Variants in VPS13D observed in about 807,000 individuals in gnomAD.
VPS13D encodes the protein intermembrane lipid transfer protein VPS13D.
VPS13D carries 187 observed loss-of-function variants against 461.9 expected under a neutral mutation model. The observed-to-expected ratio is 0.40, with a 90% CI of 0.36 to 0.46. The LOEUF (loss-of-function observed/expected upper bound fraction) is 0.46. VPS13D is among the 20% of genes least tolerant of loss of function. The probability of loss-of-function intolerance (pLI) is 0.60; values close to 1 mark genes in which losing one functional copy is unlikely to be tolerated. For synonymous variants in VPS13D, 1,951 were observed against 1,986.3 expected, an observed-to-expected ratio of 0.98 and a Z score of 0.47; for missense variants, 4,711 against 5,364.9, an observed-to-expected ratio of 0.88 and a Z score of 3.81.
At chr1:12,317,434 T>C (rs1642919430) in intron 30 of VPS13D, among the ~76,000 whole-genome samples, 1 of 152,110 alleles carries the variant, frequency 6.6e-6, no homozygotes, top group Non-Finnish European at 1.5e-5. Flanking sequence ...TTTCTTGACC[T>C]TAGCACTATC....
At chr1:12,267,155 A>G in intron 14 of VPS13D, 144 bp downstream of exon 14, 1 of 898,394 alleles carries the variant, frequency 1.1e-6, no homozygotes, top group Non-Finnish European at 1.5e-6. Context: ...TGAAATTGTT[A>G]AAGAGCAAAT....
intron 27 of VPS13D, 79 bp downstream of exon 27, chr1:12,308,720 G>A: frequency 7.4e-7 from 1 of 1,358,856 alleles, no homozygotes; most frequent in Non-Finnish European, 1.0e-6. Flanking sequence ...CGCAATCTTG[G>A]CTCACTGCAA....
intron 47 of VPS13D, among the ~76,000 whole-genome samples, chr1:12,355,308 G>A (rs1159248953): frequency 1.3e-5 from 2 of 152,194 alleles, no homozygotes; most frequent in African/African-American, 4.8e-5. Flanking sequence ...TGCTTTAACA[G>A]GGTGAATGAA....
chr1:12,471,873 C>T (rs1214828926), intron 67 of VPS13D, among the ~76,000 whole-genome samples: 2 of 151,854 alleles, frequency 1.3e-5, no homozygotes, highest in Non-Finnish European at 2.9e-5. Flanking sequence ...TATTTAGTTT[C>T]CACATTTTTT....
intron 13 of VPS13D, 128 bp from the exon 14 acceptor site, chr1:12,266,753 G>T: frequency 3.2e-6 from 3 of 933,292 alleles, no homozygotes; most frequent in African/African-American, 1.7e-5. Flanking sequence ...TTTTTTGTTT[G>T]TTTGTTTAAT....
At chr1:12,390,512 A>G (rs1222935359) in intron 60 of VPS13D, among the ~76,000 whole-genome samples, 2 of 152,190 alleles carry the variant, frequency 1.3e-5, no homozygotes, top group Admixed American at 6.5e-5. Context: ...ATACCATGAC[A>G]GTGGATAAGG....
chr1:12,333,472 C>T, intron 38 of VPS13D, 106 bp downstream of exon 38: 1 of 1,373,186 alleles, frequency 7.3e-7, no homozygotes, highest in Non-Finnish European at 9.9e-7. Flanking sequence ...CTGTACCAGG[C>T]ATCACTTCTT....
chr1:12,408,428 A>G (rs1161872542), intron 63 of VPS13D, among the ~76,000 whole-genome samples: 1 of 152,170 alleles, frequency 6.6e-6, no homozygotes, highest in African/African-American at 2.4e-5. Flanking sequence ...CAGTGGCATG[A>G]TCACAGCTTA....
intron 68 of VPS13D, among the ~76,000 whole-genome samples, chr1:12,503,916 T>C (rs1054232125): frequency 5.9e-5 from 9 of 152,102 alleles, no homozygotes; most frequent in African/African-American, 2.2e-4. Context: ...CTGGGAGAAC[T>C]AGGCCAGGGA....
chr1:12,447,701 G>C (rs181209945), intron 65 of VPS13D, among the ~76,000 whole-genome samples: 85 of 152,240 alleles, frequency 5.6e-4, no homozygotes, highest in African/African-American at 2.0e-3. Flanking sequence ...TATTCTCTCT[G>C]ATGTCATCAG....
intron 67 of VPS13D, among the ~76,000 whole-genome samples, chr1:12,488,730 GTTA>G (rs1194359857): frequency 6.8e-6 from 1 of 147,090 alleles, no homozygotes; most frequent in Non-Finnish European, 1.5e-5. Context: ...TAATCAGCTT[GTTA>G]TTATTAGCAT....
At chr1:12,385,204 T>G in intron 58 of VPS13D, 56 bp from the exon 59 acceptor site, 1 of 1,411,748 alleles carries the variant, frequency 7.1e-7, no homozygotes, top group Non-Finnish European at 1.0e-6. Context: ...TGGGTTAGAA[T>G]AGGTTTCAAT....
chr1:12,457,646 A>G (rs1356848544), intron 66 of VPS13D, among the ~76,000 whole-genome samples: 1 of 152,234 alleles, frequency 6.6e-6, no homozygotes, highest in Non-Finnish European at 1.5e-5. Context: ...AAGAAGAGGA[A>G]GGAATATAGA....
chr1:12,439,146 T>A (rs1645098680), intron 65 of VPS13D, among the ~76,000 whole-genome samples: 1 of 152,130 alleles, frequency 6.6e-6, no homozygotes, highest in Admixed American at 6.5e-5. Flanking sequence ...GCTTCCCGTT[T>A]CACTCCACAT....
intron 63 of VPS13D, among the ~76,000 whole-genome samples, chr1:12,405,963 C>A (rs138198175): frequency 1.3e-5 from 2 of 152,204 alleles, no homozygotes; most frequent in African/African-American, 2.4e-5. Context: ...CTCCAGCCCC[C>A]CCCAGTTACA....
chr1:12,442,389 C>T (rs1432793900), intron 65 of VPS13D, among the ~76,000 whole-genome samples: 5 of 152,098 alleles, frequency 3.3e-5, no homozygotes, highest in Non-Finnish European at 7.4e-5. Flanking sequence ...AGTGTGTCAA[C>T]TTATTGGACA....
intron 53 of VPS13D, among the ~76,000 whole-genome samples, chr1:12,369,082 T>C (rs761853154): frequency 2.6e-5 from 4 of 152,234 alleles, no homozygotes; most frequent in Non-Finnish European, 5.9e-5. Flanking sequence ...AATACTTATT[T>C]TTTTCTGTAT....
chr1:12,450,747 C>T (rs1168422196), intron 65 of VPS13D, among the ~76,000 whole-genome samples: 1 of 152,164 alleles, frequency 6.6e-6, no homozygotes, highest in Non-Finnish European at 1.5e-5. Context: ...TTCATTTTTA[C>T]TTAAAGCCTT....
intron 2 of VPS13D, among the ~76,000 whole-genome samples, chr1:12,241,269 C>T (rs1022274060): frequency 6.6e-6 from 1 of 152,130 alleles, no homozygotes; most frequent in African/African-American, 2.4e-5. Context: ...AGCCAGTAAC[C>T]CACAAGTCCT....
Sources: gnomAD v4.1 joint callset for allele counts (sites outside exome capture counted in the v4.1 genomes callset) on GRCh38, gnomAD v4.1.1 for gene constraint, MANE v1.5 for transcripts, NCBI Gene and HGNC (gene_info 2026-07-23, HGNC 2026-07-21) for gene names.